Variants in NEO1 observed in about 807,000 individuals in gnomAD.
NEO1 encodes neogenin 1, also known as neogenin.
Under a neutral mutation model 159.7 loss-of-function variants are expected in NEO1, and 63 were observed. The observed-to-expected ratio is 0.39, with a 90% CI of 0.32 to 0.49. NEO1 has a LOEUF of 0.49. Ranked by LOEUF, NEO1 falls within the 20% of genes least tolerant of loss-of-function variation. NEO1 has a pLI of 0.85. For synonymous variants in NEO1, 633 were observed against 662.0 expected (o/e 0.96, Z 0.67); for missense variants, 1,615 against 1,831.0 (o/e 0.88, Z 2.15).
At chr15:73,106,330 C>A (rs1167465949) in intron 1 of NEO1, among the ~76,000 whole-genome samples, 1 of 151,746 alleles carries the variant, frequency 6.6e-6, no homozygotes, top group Non-Finnish European at 1.5e-5. Context: ...ATAGTACAAG[C>A]CAAATACATA....
chr15:73,207,577 C>T (rs2037311211), intron 7 of NEO1, among the ~76,000 whole-genome samples: 1 of 152,162 alleles, frequency 6.6e-6, no homozygotes, highest in Non-Finnish European at 1.5e-5. Flanking sequence ...TTTAACTTTA[C>T]ATTTATTTGA....
chr15:73,145,449 TA>T (rs1490336521), intron 5 of NEO1, among the ~76,000 whole-genome samples: 1 of 152,140 alleles, frequency 6.6e-6, no homozygotes, highest in Non-Finnish European at 1.5e-5. Flanking sequence ...TTTGATGAAA[TA>T]AGGATGTGTG....
chr15:73,200,151 A>G (rs1407044606), intron 7 of NEO1, among the ~76,000 whole-genome samples: 1 of 152,198 alleles, frequency 6.6e-6, no homozygotes, highest in Non-Finnish European at 1.5e-5. Flanking sequence ...TCACCAGTGA[A>G]ACTATCTAGG....
Position 73,052,601 on chromosome 15 carries a change from G to A in NEO1, c.-75G>A. ...CCGAGCTTGCAGCGAGGGACCGGCT[G>A]AGGCGCGCGGGAGGGAAGGAGGCAA... On this transcript the variant is annotated 5_prime_UTR_variant, in exon 1 of 29. Coordinates refer to ENST00000261908, the MANE Select transcript of NEO1 (RefSeq NM_002499.4). 1.0e-6 allele frequency: 1 copy of A among 992,312 alleles called. No homozygotes were observed. Among genetic ancestry groups the A allele is most frequent in the Non-Finnish European group, 1.3e-6 (1 of 789,560 alleles). The allele number at this position is 992,312 out of a possible 1,614,324, so 61.5% of individuals were successfully genotyped here. A position where few individuals can be genotyped will look rare whatever the true frequency, so the allele number is the denominator to read the frequency against.
At chr15:73,251,631 A>G (rs1159787986) in intron 11 of NEO1, among the ~76,000 whole-genome samples, 5 of 152,082 alleles carry the variant, frequency 3.3e-5, no homozygotes, top group African/African-American at 1.2e-4. Context: ...GTTAAGGGAA[A>G]AAAATGTTTA....
Position 73,052,820 on chromosome 15 carries a change from C to T in NEO1, c.130+15C>T. 2 of 812,636 alleles carry T rather than the reference C, an allele frequency of 2.5e-6. No homozygotes were observed. Among genetic ancestry groups the T allele is most frequent in the Non-Finnish European group, 3.0e-6 (2 of 659,400 alleles). 50.3% of individuals were successfully genotyped at this position (812,636 alleles called of 1,614,324 possible). The stretch of plus-strand genomic sequence containing the variant: ...GCAGTCCCCAGGTAAGCGGCGGGCG[C>T]GGGCCCGGGGGTTCGCGGGGGCGCG... On this transcript the variant is annotated intron_variant, in intron 1 of 28. Transcript: ENST00000261908.
chr15:73,098,237 G>A (rs1028286462), intron 1 of NEO1, among the ~76,000 whole-genome samples: 11 of 152,098 alleles, frequency 7.2e-5, no homozygotes, highest in Non-Finnish European at 8.8e-5. Context: ...AAATTCTCTC[G>A]AACTAGTTCT....
At chr15:73,136,507 C>G (rs1457839316) in intron 5 of NEO1, among the ~76,000 whole-genome samples, 1 of 152,086 alleles carries the variant, frequency 6.6e-6, no homozygotes, top group Non-Finnish European at 1.5e-5. Flanking sequence ...AATTATTTCT[C>G]TCCTCTCTGT....
In NEO1 at chr15:73,236,424, T is replaced by C; in HGVS notation, c.1369T>C (p.Leu457=). The C allele has an allele frequency of 1.9e-6, 3 of 1,614,142 alleles. No homozygotes were observed. Among genetic ancestry groups the C allele is most frequent in the African/African-American group, 1.3e-5 (1 of 75,038 alleles). ...ASLVSTRFIK[L]TWRTPASDPH... is the part of the protein sequence containing the mutation. ...CCTGGTCTCTACCCGCTTCATCAAA[T>C]TGACGTGGCGGACACCTGCATCAGA... is the stretch of plus-strand genomic sequence containing the variant. Residue 457 remains leucine, a synonymous_variant, in exon 8 of 29, where the codon TTG becomes CTG. Coordinates refer to ENST00000261908, the MANE Select transcript of NEO1 (RefSeq NM_002499.4).
intron 1 of NEO1, among the ~76,000 whole-genome samples, chr15:73,062,998 A>G (rs1420620823): frequency 6.6e-6 from 1 of 152,204 alleles, no homozygotes; most frequent in East Asian, 1.9e-4. Flanking sequence ...GCATACATCT[A>G]TATAGATGGG....
intron 1 of NEO1, among the ~76,000 whole-genome samples, chr15:73,073,098 T>C (rs908203051): frequency 3.9e-5 from 6 of 152,076 alleles, no homozygotes; most frequent in Non-Finnish European, 8.8e-5. Flanking sequence ...GGGCTGTAGA[T>C]TTGTGAGTCA....
intron 5 of NEO1, among the ~76,000 whole-genome samples, chr15:73,164,021 T>TAA (rs55729204): frequency 1.2e-5 from 1 of 86,806 alleles, no homozygotes; most frequent in South Asian, 3.8e-4. Context: ...TTTTTCTTAT[T>TAA]TTTTTTTTTT....
At position 73,303,171 on chromosome 15, in the gene NEO1, A is replaced by ACTGC. The variant is rs1225762905; in HGVS notation, c.*476_*479dup. The ACTGC allele has an allele frequency of 6.4e-6, 1 of 156,080 alleles. No homozygotes were observed. The highest frequency in any genetic ancestry group is 2.4e-5 in the African/African-American group (1 of 41,466). 9.7% of individuals were successfully genotyped at this position (156,080 alleles called of 1,614,324 possible). On this transcript the variant is annotated 3_prime_UTR_variant, in exon 29 of 29. Coordinates refer to ENST00000261908, the MANE Select transcript of NEO1 (RefSeq NM_002499.4). ...GTTCTCCACAAGTGGTTGACATTTGACTGCTTGTTCCAATTATGTATGGAA... is the reference window on the plus strand; with the variant it reads ...GTTCTCCACAAGTGGTTGACATTTGACTGCCTGCTTGTTCCAATTATGTATGGAA...
chr15:73,120,801 A>G (rs1015373326), intron 2 of NEO1, among the ~76,000 whole-genome samples: 2 of 152,114 alleles, frequency 1.3e-5, no homozygotes, highest in Admixed American at 6.6e-5. Context: ...CTTAGCTGCT[A>G]CATCCTGTGG....
intron 1 of NEO1, 144 bp from the exon 2 acceptor site, chr15:73,116,396 G>T: frequency 1.7e-6 from 1 of 597,334 alleles, no homozygotes; most frequent in Non-Finnish European, 2.5e-6. Context: ...TTATTTATTA[G>T]ACATTTGTAG....
intron 23 of NEO1, among the ~76,000 whole-genome samples, chr15:73,284,562 G>C (rs935859445): frequency 1.3e-5 from 2 of 148,514 alleles, no homozygotes; most frequent in African/African-American, 4.9e-5. Context: ...TCTGACCACT[G>C]CCTCTTATAG....
At chr15:73,156,160 C>T (rs1281300036) in intron 5 of NEO1, among the ~76,000 whole-genome samples, 3 of 152,054 alleles carry the variant, frequency 2.0e-5, no homozygotes, top group East Asian at 1.9e-4. Context: ...TTGGATAGGG[C>T]GTTTTGGCTT....
At position 73,103,042 on chromosome 15, in the gene NEO1, G is replaced by A. The variant is rs149910252; in HGVS notation, c.131-13498G>A. On this transcript the variant is annotated intron_variant, in intron 1 of 28. Transcript: ENST00000261908. ...TTTCGCATTTATTCAGTCTTAAGAC[G>A]TATTGATTCCACTCTAAAAATTCAT... Among the ~76,000 whole-genome samples, 122 of 152,036 alleles carry A rather than the reference G, an allele frequency of 8.0e-4. 1 individual carries two copies. The highest frequency in any genetic ancestry group is 2.8e-3 in the African/African-American group (115 of 41,478).
chr15:73,281,667 A>C (rs1262940112), intron 22 of NEO1, among the ~76,000 whole-genome samples: 3 of 152,188 alleles, frequency 2.0e-5, no homozygotes, highest in African/African-American at 7.2e-5. Flanking sequence ...ATAACTAAAG[A>C]TGCATTTCTT....
Sources: gnomAD v4.1 joint callset for allele counts (sites outside exome capture counted in the v4.1 genomes callset) on GRCh38, gnomAD v4.1.1 for gene constraint, MANE v1.5 for transcripts, NCBI Gene and HGNC (gene_info 2026-07-23, HGNC 2026-07-21) for gene names.